The following RP2 variants were observed in gnomAD, a reference collection of about 807,000 sequenced individuals.
RP2 encodes the protein protein XRP2.
A neutral mutation model predicts 20.3 loss-of-function variants in RP2; 3 were observed. That is an observed-to-expected ratio of 0.15 (90% CI 0.07 to 0.38). The LOEUF is 0.38. Ranked by LOEUF, RP2 falls within the 10% of genes least tolerant of loss-of-function variation. The pLI is 1.00. For synonymous variants in RP2, 75 were observed against 94.8 expected (o/e 0.79, Z 1.22); for missense variants, 233 against 268.5 (o/e 0.87, Z 0.92).
chrX:46,851,080 C>G (rs1556318022), intron 1 of RP2, among the ~76,000 whole-genome samples: 1 of 111,511 alleles, frequency 9.0e-6, no homozygotes, highest in Non-Finnish European at 1.9e-5. Flanking sequence ...TGTGCAATTA[C>G]TAAGTCAATT....
chrX:46,858,434 A>T (rs1925004893), intron 2 of RP2, among the ~76,000 whole-genome samples: 1 of 111,405 alleles, frequency 9.0e-6, no homozygotes, highest in Non-Finnish European at 1.9e-5. Context: ...TAAAAACCTA[A>T]CAAGCTTTGC....
In RP2 at chrX:46,882,004, C is replaced by A. The variant is rs1925479165; in HGVS notation, c.*2235C>A. On this transcript the variant is annotated 3_prime_UTR_variant, in exon 5 of 5. Coordinates refer to ENST00000218340, the MANE Select transcript of RP2 (RefSeq NM_006915.3). Reference sequence around the variant, plus strand: ...TTTTGTATTCTTCTGTTAGATAAGACCTTTTACCCATTTAATTTGTCTTTA... The same window carrying A: ...TTTTGTATTCTTCTGTTAGATAAGAACTTTTACCCATTTAATTTGTCTTTA... 9.0e-6 allele frequency: 1 copy of A among 111,399 alleles called. No individual in the cohort carries two copies. Among genetic ancestry groups the A allele is most frequent in the Non-Finnish European group, 1.9e-5 (1 of 53,093 alleles). The allele number at this position is 111,399 out of a possible 1,213,427, so 9.2% of individuals were successfully genotyped here.
chrX:46,863,019 A>T (rs782114795), intron 3 of RP2, among the ~76,000 whole-genome samples: 1 of 112,552 alleles, frequency 8.9e-6, no homozygotes, highest in South Asian at 3.6e-4. Flanking sequence ...TTCAGACAGT[A>T]TAATGGAAAA....
intron 3 of RP2, among the ~76,000 whole-genome samples, chrX:46,873,866 C>T (rs1204579658): frequency 4.5e-5 from 5 of 110,190 alleles, no homozygotes; most frequent in African/African-American, 1.7e-4. Context: ...CCTGACGGTT[C>T]CCCATGTTGC....
At chrX:46,860,312 CT>C (rs1225950133) in intron 3 of RP2, among the ~76,000 whole-genome samples, 2 of 110,271 alleles carry the variant, frequency 1.8e-5, no homozygotes, top group Non-Finnish European at 3.8e-5. Context: ...TTTTTTTTCC[CT>C]ATCCTCTGTT....
chrX:46,875,727 G>T (rs1182398176), intron 3 of RP2, among the ~76,000 whole-genome samples: 1 of 111,622 alleles, frequency 9.0e-6, no homozygotes, highest in Non-Finnish European at 1.9e-5. Flanking sequence ...GCCTTTGATA[G>T]CTTCATTACT....
At chrX:46,858,999 G>C (rs1379480391) in intron 2 of RP2, among the ~76,000 whole-genome samples, 3 of 110,897 alleles carry the variant, frequency 2.7e-5, no homozygotes, top group Non-Finnish European at 5.7e-5. Flanking sequence ...ATGTCCTTGG[G>C]CAAGTTCCTT....
Position 46,879,571 on chromosome X carries a change from T to C in RP2, c.970-115T>C, listed in dbSNP as rs1259881666. The C allele has an allele frequency of 2.8e-5, 13 of 464,195 alleles. 1 individual carries two copies. In the Admixed American group the frequency reaches 4.1e-4, roughly 15 times the overall value. 38.3% of individuals were successfully genotyped at this position (464,195 alleles called of 1,213,427 possible). ...TTAAATATTGTCATTATAAATGATG[T>C]ACTTGAACTTCTTTTGAATAATTAG... is the stretch of plus-strand genomic sequence containing the variant. On this transcript the variant is annotated intron_variant, in intron 4 of 4. Coordinates refer to ENST00000218340, the MANE Select transcript of RP2 (RefSeq NM_006915.3).
At chrX:46,875,709 C>G (rs1925364892) in intron 3 of RP2, among the ~76,000 whole-genome samples, 1 of 111,573 alleles carries the variant, frequency 9.0e-6, no homozygotes, top group Admixed American at 9.6e-5. Context: ...TTTGATAGAA[C>G]CCCACTGGCC....
chrX:46,850,597 G>A (rs1924841796), intron 1 of RP2, among the ~76,000 whole-genome samples: 1 of 111,675 alleles, frequency 9.0e-6, no homozygotes, highest in Admixed American at 9.6e-5. Context: ...CCTACTCCCT[G>A]AAGAATTTTA....
At chrX:46,853,399 T>C in intron 1 of RP2, 77 bp from the exon 2 acceptor site, 1 of 938,249 alleles carries the variant, frequency 1.1e-6, no homozygotes, top group Non-Finnish European at 1.5e-6. Context: ...GAACTGTGCC[T>C]GGCAGCCAAT....
intron 3 of RP2, among the ~76,000 whole-genome samples, chrX:46,864,586 T>C (rs1556321745): frequency 1.8e-5 from 2 of 110,456 alleles, no homozygotes; most frequent in African/African-American, 6.6e-5. Context: ...AATTTTTGTA[T>C]TTTTTGTAGA....
rs781825399 is a variant in RP2 at position 46,837,335 on chromosome X, G to A, written c.102+133G>A. On this transcript the variant is annotated intron_variant, in intron 1 of 4. Transcript: ENST00000218340. ...TTGAACGCGGATAGCTGAAGTCGGG[G>A]TGCACGACTTTTTTGGGGAGCGGGG... is the stretch of plus-strand genomic sequence containing the variant. 394 of 694,987 alleles carry A rather than the reference G, an allele frequency of 5.7e-4. 1 individual carries two copies. The African/African-American group carries it at 7.2e-3, about 13-fold the overall frequency. The allele number at this position is 694,987 out of a possible 1,213,427, so 57.3% of individuals were successfully genotyped here.
chrX:46,852,194 G>A (rs1008537254), intron 1 of RP2, among the ~76,000 whole-genome samples: 1 of 109,542 alleles, frequency 9.1e-6, no homozygotes, highest in Non-Finnish European at 1.9e-5. Flanking sequence ...GCGACAGAGC[G>A]AGACTCCGTC....
chrX:46,849,166 G>C (rs185503763), intron 1 of RP2, among the ~76,000 whole-genome samples: 2 of 110,644 alleles, frequency 1.8e-5, no homozygotes, highest in African/African-American at 3.3e-5. Flanking sequence ...AATTACGAAG[G>C]ATTTCAGTTT....
chrX:46,864,586 T>A (rs1556321745), intron 3 of RP2, among the ~76,000 whole-genome samples: 1 of 110,456 alleles, frequency 9.1e-6, no homozygotes, highest in Non-Finnish European at 1.9e-5. Context: ...AATTTTTGTA[T>A]TTTTTGTAGA....
rs1371491297 is a variant in RP2 at position 46,857,502 on chromosome X, T to A, written c.769-2486T>A. 2.7e-5 allele frequency among the ~76,000 whole-genome samples: 3 copies of A among 111,914 alleles called. No individual in the cohort carries two copies. In the Admixed American group the frequency reaches 2.9e-4, roughly 11 times the overall value. ...TGAACCCACGAGGCGGAGGTTGCAG[T>A]GAGCTGAGATCCCACCACTGCACTC... On this transcript the variant is annotated intron_variant, in intron 2 of 4. Transcript: ENST00000218340.
At chrX:46,850,284 C>G (rs1924835867) in intron 1 of RP2, among the ~76,000 whole-genome samples, 1 of 111,739 alleles carries the variant, frequency 8.9e-6, no homozygotes, top group Non-Finnish European at 1.9e-5. Flanking sequence ...TCTGCTGATT[C>G]TGTTTCCTCA....
At chrX:46,861,361 A>G (rs1925058831) in intron 3 of RP2, among the ~76,000 whole-genome samples, 3 of 112,241 alleles carry the variant, frequency 2.7e-5, no homozygotes, top group Admixed American at 9.5e-5. Context: ...CTATTGCTGC[A>G]AAAAGTAGAA....
Sources: allele counts gnomAD v4.1 joint callset (sites outside exome capture counted in the v4.1 genomes callset), GRCh38; gene constraint gnomAD v4.1.1; transcripts MANE v1.5; gene names NCBI Gene and HGNC (gene_info 2026-07-23, HGNC 2026-07-21).